The following EDC4 variants were observed in gnomAD, a reference collection of about 807,000 sequenced individuals.
EDC4 encodes enhancer of mRNA-decapping protein 4.
In EDC4, 64 loss-of-function variants were observed where a neutral mutation model predicts 155.8. The ratio of observed to expected loss-of-function variants is 0.41; its 90% CI spans 0.34 to 0.51. EDC4 has a LOEUF of 0.51. Ranked by LOEUF, EDC4 falls within the 20% of genes least tolerant of loss-of-function variation. EDC4 has a pLI of 0.19. For missense variants in EDC4, 1,303 were observed against 1,812.5 expected, an observed-to-expected ratio of 0.72 and a Z score of 5.10; for synonymous variants, 684 against 716.8, an observed-to-expected ratio of 0.95 and a Z score of 0.73.
Position 67,884,041 on chromosome 16 carries a change from C to CA in EDC4, c.4103dup (p.Leu1369AlafsTer8). On this transcript the variant is annotated frameshift_variant, in exon 29 of 29. Coordinates refer to ENST00000358933, the MANE Select transcript of EDC4 (RefSeq NM_014329.5). LOFTEE classifies it high-confidence loss of function. The surrounding 1 kb of genome is among the most constrained non-coding windows in gnomAD (Gnocchi z 4.1). ...GGGCTCCGTTATGGCCCAGGTGCGC[C>CA]AAAAGCTTTTTCAGTTCCTGCAGGC... 1 of 1,614,156 alleles carries CA rather than the reference C, an allele frequency of 6.2e-7. No individual in the cohort carries two copies.
chr16:67,876,375 T>A lies in EDC4; in HGVS notation c.240-113T>A. On this transcript the variant is annotated intron_variant, in intron 2 of 28. Coordinates refer to ENST00000358933, the MANE Select transcript of EDC4 (RefSeq NM_014329.5). The surrounding 1 kb of genome is among the most constrained non-coding windows in gnomAD (Gnocchi z 5.8). Reference sequence around the variant, plus strand: ...CTGGGGCCAGTGGACCAGGCGAAGCTGACATTGGACTAGATACCTTCCCCA... The same window carrying A: ...CTGGGGCCAGTGGACCAGGCGAAGCAGACATTGGACTAGATACCTTCCCCA... 5.4e-6 allele frequency: 8 copies of A among 1,477,944 alleles called. No homozygotes were observed. The highest frequency in any genetic ancestry group is 7.2e-6 in the Non-Finnish European group (8 of 1,107,822). The allele number at this position is 1,477,944 out of a possible 1,614,324, so 91.6% of individuals were successfully genotyped here. A position where few individuals can be genotyped will look rare whatever the true frequency, so the allele number is the denominator to read the frequency against.
At position 67,883,948 on chromosome 16, in the gene EDC4, A is replaced by C; in HGVS notation, c.4014-8A>C. On this transcript the variant is annotated splice_polypyrimidine_tract_variant and splice_region_variant and intron_variant, in intron 28 of 28. Transcript: ENST00000358933. This position sits in a 1 kb window ranked among gnomAD's most constrained non-coding sequence, Gnocchi z 5.3. ...ACCTGTAGCCTGTCCTTTCCCCCCC[A>C]TCCCCAGCTACCTGGAAGAGGCCGT... The C allele has an allele frequency of 6.3e-7, 1 of 1,585,782 alleles. No individual in the cohort carries two copies.
chr16:67,880,856 T>C lies in EDC4; in HGVS notation c.2397T>C (p.Pro799=). 6.2e-7 allele frequency: 1 copy of C among 1,613,832 alleles called. No individual in the cohort carries two copies. The highest frequency in any genetic ancestry group is 8.5e-7 in the Non-Finnish European group (1 of 1,179,968). ...LGPQLGLDGG[P]GDGDRHNTPS... is the part of the protein sequence containing the mutation. ...CCCAGCTCGGGCTTGATGGAGGCCC[T>C]GGGGATGGAGATCGGCATAATACCC... The change falls in exon 18 of 29, where the codon CCT becomes CCC. Residue 799 remains proline (P), a synonymous_variant. Transcript: ENST00000358933. This position sits in a 1 kb window ranked among gnomAD's most constrained non-coding sequence, Gnocchi z 5.2.
Position 67,878,757 on chromosome 16 carries a change from G to C in EDC4, c.1205G>C (p.Ser402Thr). 6.2e-7 allele frequency: 1 copy of C among 1,614,162 alleles called. No individual in the cohort carries two copies. Among genetic ancestry groups the C allele is most frequent in the Non-Finnish European group, 8.5e-7 (1 of 1,180,036 alleles). Residue 402 changes from serine to threonine, a missense_variant, in exon 11 of 29, where the codon AGC becomes ACC. Physicochemically the swap from Ser to Thr is moderately conservative, Grantham distance 58 (BLOSUM62 1). Transcript: ENST00000358933. The surrounding 1 kb of genome is among the most constrained non-coding windows in gnomAD (Gnocchi z 5.2). The stretch of plus-strand genomic sequence containing the variant: ...TCTAGCTTCTCCCCAGATATCTTCA[G>C]CTCAGTGAGTGTGCCCCCTAGCCTC... ...QTIRFSPDIFSSVSVPPSLKV... is the reference protein window; with the variant it reads ...QTIRFSPDIFTSVSVPPSLKV...
Position 67,882,831 on chromosome 16 carries a change from G to A in EDC4, c.3595G>A (p.Glu1199Lys). 1 of 1,614,152 alleles carries A rather than the reference G, an allele frequency of 6.2e-7. No homozygotes were observed. The highest frequency in any genetic ancestry group is 8.5e-7 in the Non-Finnish European group (1 of 1,180,036). Residue 1199 changes from glutamate to lysine, a missense_variant, in exon 26 of 29, where the codon GAG (glutamate) becomes AAG (lysine). Glu to Lys is a moderately conservative substitution (Grantham distance 56). Coordinates refer to ENST00000358933, the MANE Select transcript of EDC4 (RefSeq NM_014329.5). The surrounding 1 kb of genome is among the most constrained non-coding windows in gnomAD (Gnocchi z 7.2). Reference sequence around the variant, plus strand: ...CACCGTGGCCGGCAGTGTTCGTGCTGAGGTGCAGCACCAGCTGCATGTGGC... The same window carrying A: ...CACCGTGGCCGGCAGTGTTCGTGCTAAGGTGCAGCACCAGCTGCATGTGGC... ...AATVAGSVRAEVQHQLHVAVG... is the reference protein window; with the variant it reads ...AATVAGSVRAKVQHQLHVAVG...
At position 67,878,836 on chromosome 16, in the gene EDC4, G is replaced by C; in HGVS notation, c.1284G>C (p.Arg428=). ...AEYLILSDVQ[R]KVLYVMELLQ... ...ACCTGATTCTCAGCGATGTGCAACG[G>C]AAGGTAGGCTGCCATGGGGTACCCT... Residue 428 remains arginine (R), a synonymous_variant, in exon 11 of 29, where the codon CGG becomes CGC. Transcript: ENST00000358933. This position sits in a 1 kb window ranked among gnomAD's most constrained non-coding sequence, Gnocchi z 5.2. 1.2e-6 allele frequency: 2 copies of C among 1,613,586 alleles called. No individual in the cohort carries two copies. The highest frequency in any genetic ancestry group is 1.7e-6 in the Non-Finnish European group (2 of 1,180,040).
Position 67,877,513 on chromosome 16 carries a change from G to A in EDC4, c.646G>A (p.Glu216Lys). 1 of 1,614,182 alleles carries A rather than the reference G, an allele frequency of 6.2e-7. No homozygotes were observed. The highest frequency in any genetic ancestry group is 1.1e-5 in the South Asian group (1 of 91,086). Residue 216 changes from glutamate to lysine, a missense_variant, in exon 6 of 29, where the codon GAG becomes AAG. This residue lies in a region of EDC4 where 235 missense variants were observed against 367.7 expected (regional missense o/e 0.64). Transcript: ENST00000358933. This position sits in a 1 kb window ranked among gnomAD's most constrained non-coding sequence, Gnocchi z 4.9. Reference sequence around the variant, plus strand: ...AGCCCTTAACACCCTGCTCAGAGAAGAGATCTTGGTCCATATTCGGCAGCC... The same window carrying A: ...AGCCCTTAACACCCTGCTCAGAGAAAAGATCTTGGTCCATATTCGGCAGCC... ...LALVNGKIQE[E>K]ILVHIRQPEG...
chr16:67,878,819 C>T lies in EDC4; in HGVS notation c.1267C>T (p.Leu423Phe). Residue 423 changes from leucine to phenylalanine, a missense_variant, in exon 11 of 29, where the codon CTC becomes TTC. By Grantham distance (22) the Leu-to-Phe change is conservative. Transcript: ENST00000358933. This position sits in a 1 kb window ranked among gnomAD's most constrained non-coding sequence, Gnocchi z 5.2. ...GGACCTCTCAGCAGAATACCTGATTCTCAGCGATGTGCAACGGAAGGTAGG... is the reference window on the plus strand; with the variant it reads ...GGACCTCTCAGCAGAATACCTGATTTTCAGCGATGTGCAACGGAAGGTAGG... ...CLDLSAEYLI[L>F]SDVQRKVLYV... 6.2e-7 allele frequency: 1 copy of T among 1,613,992 alleles called. No individual in the cohort carries two copies. The highest frequency in any genetic ancestry group is 8.5e-7 in the Non-Finnish European group (1 of 1,180,048).
rs2058040313 is a variant in EDC4 at position 67,876,126 on chromosome 16, G to T, written c.239+25G>T. 6 of 1,608,868 alleles carry T rather than the reference G, an allele frequency of 3.7e-6. No homozygotes were observed. The African/African-American group carries it at 5.3e-5, about 14-fold the overall frequency. On this transcript the variant is annotated intron_variant, in intron 2 of 28. Coordinates refer to ENST00000358933, the MANE Select transcript of EDC4 (RefSeq NM_014329.5). This position sits in a 1 kb window ranked among gnomAD's most constrained non-coding sequence, Gnocchi z 5.8. ...TGTGAGTACCTAGGAGACGACAATA[G>T]TGGTGATGGTGTATTTGGGGTGTCT...
chr16:67,875,573 C>T, intron 1 of EDC4: 1 of 231,630 alleles, frequency 4.3e-6, no homozygotes, highest in South Asian at 1.6e-4. Context: ...TGTTTTCACT[C>T]CATCCTTCCT....
chr16:67,876,310 T>A lies in EDC4; in HGVS notation c.240-178T>A, dbSNP rs926281138. On this transcript the variant is annotated intron_variant, in intron 2 of 28. Transcript: ENST00000358933. This position sits in a 1 kb window ranked among gnomAD's most constrained non-coding sequence, Gnocchi z 5.8. ...TACCTGGTTTAGAATGAAAGTAGGC[T>A]CATTCCCAAGGAAGGAGATGAGCAA... 1.3e-6 allele frequency: 1 copy of A among 741,286 alleles called. No homozygotes were observed. The highest frequency in any genetic ancestry group is 1.9e-5 in the African/African-American group (1 of 52,422). The allele number at this position is 741,286 out of a possible 1,614,324, so 45.9% of individuals were successfully genotyped here. A position where few individuals can be genotyped will look rare whatever the true frequency, so the allele number is the denominator to read the frequency against.
chr16:67,876,855 C>T lies in EDC4; in HGVS notation c.352-18C>T. 1 of 1,612,766 alleles carries T rather than the reference C, an allele frequency of 6.2e-7. No individual in the cohort carries two copies. The highest frequency in any genetic ancestry group is 8.5e-7 in the Non-Finnish European group (1 of 1,179,186). On this transcript the variant is annotated intron_variant, in intron 3 of 28. Coordinates refer to ENST00000358933, the MANE Select transcript of EDC4 (RefSeq NM_014329.5). The surrounding 1 kb of genome is among the most constrained non-coding windows in gnomAD (Gnocchi z 5.8). ...GCTCTGGGGAAGTTCCATGACTTTTCTCACCCTGGGTTCTCAGGTGAAAAT... is the reference window on the plus strand; with the variant it reads ...GCTCTGGGGAAGTTCCATGACTTTTTTCACCCTGGGTTCTCAGGTGAAAAT...
chr16:67,878,669 G>A lies in EDC4; in HGVS notation c.1184+38G>A. ...TGGAAGGCTGGGGGACTGGGCAGGGGCGGCAGGGTTGGGAATGTAGCTTCC... is the reference window on the plus strand; with the variant it reads ...TGGAAGGCTGGGGGACTGGGCAGGGACGGCAGGGTTGGGAATGTAGCTTCC... On this transcript the variant is annotated intron_variant, in intron 10 of 28. Coordinates refer to ENST00000358933, the MANE Select transcript of EDC4 (RefSeq NM_014329.5). This position sits in a 1 kb window ranked among gnomAD's most constrained non-coding sequence, Gnocchi z 5.2. The A allele has an allele frequency of 6.2e-7, 1 of 1,614,168 alleles. No homozygotes were observed. Among genetic ancestry groups the A allele is most frequent in the Non-Finnish European group, 8.5e-7 (1 of 1,180,030 alleles).
At position 67,878,117 on chromosome 16, in the gene EDC4, G is replaced by A; in HGVS notation, c.895-49G>A. ...AGCTCATTGCCATCCTCACTTGGGA[G>A]GGGCTTGTTCTCACCTCTAGTCAGC... On this transcript the variant is annotated intron_variant, in intron 7 of 28. Transcript: ENST00000358933. The surrounding 1 kb of genome is among the most constrained non-coding windows in gnomAD (Gnocchi z 5.2). 1.2e-6 allele frequency: 2 copies of A among 1,610,626 alleles called. No individual in the cohort carries two copies. Among genetic ancestry groups the A allele is most frequent in the Non-Finnish European group, 8.5e-7 (1 of 1,177,990 alleles).
chr16:67,878,831 C>T lies in EDC4; in HGVS notation c.1279C>T (p.Gln427Ter), dbSNP rs1433542082. 1 of 1,613,656 alleles carries T rather than the reference C, an allele frequency of 6.2e-7. No individual in the cohort carries two copies. Among genetic ancestry groups the T allele is most frequent in the Non-Finnish European group, 8.5e-7 (1 of 1,180,024 alleles). The change falls in exon 11 of 29, where the codon CAA (glutamine) becomes TAA (stop). Residue 427 changes from glutamine to a stop codon, truncating the protein, a stop_gained. Transcript: ENST00000358933. LOFTEE classifies it high-confidence loss of function. This position sits in a 1 kb window ranked among gnomAD's most constrained non-coding sequence, Gnocchi z 5.2. Reference sequence around the variant, plus strand: ...AGAATACCTGATTCTCAGCGATGTGCAACGGAAGGTAGGCTGCCATGGGGT... The same window carrying T: ...AGAATACCTGATTCTCAGCGATGTGTAACGGAAGGTAGGCTGCCATGGGGT... ...SAEYLILSDV[Q>*]RKVLYVMELL...
Position 67,884,049 on chromosome 16 carries a change from T to A in EDC4, c.4107T>A (p.Leu1369=). The A allele has an allele frequency of 6.2e-7, 1 of 1,614,102 alleles. No homozygotes were observed. The change falls in exon 29 of 29, where the codon CTT becomes CTA. Residue 1369 remains leucine, a synonymous_variant. Coordinates refer to ENST00000358933, the MANE Select transcript of EDC4 (RefSeq NM_014329.5). The surrounding 1 kb of genome is among the most constrained non-coding windows in gnomAD (Gnocchi z 4.1). ...GSVMAQVRQK[L]FQFLQAEPHN... ...TTATGGCCCAGGTGCGCCAAAAGCTTTTTCAGTTCCTGCAGGCTGAGCCAC... is the reference window on the plus strand; with the variant it reads ...TTATGGCCCAGGTGCGCCAAAAGCTATTTCAGTTCCTGCAGGCTGAGCCAC...
intron 1 of EDC4, among the ~76,000 whole-genome samples, chr16:67,873,663 C>T (rs1049525029): frequency 1.3e-5 from 2 of 152,306 alleles, no homozygotes; most frequent in Admixed American, 1.3e-4. Flanking sequence ...GCTCCTCTTC[C>T]CTTTCTCCAT....
At chr16:67,874,833 G>A (rs1288305575) in intron 1 of EDC4, among the ~76,000 whole-genome samples, 4 of 152,174 alleles carry the variant, frequency 2.6e-5, no homozygotes, top group Non-Finnish European at 4.4e-5. Flanking sequence ...TGTAATCCCA[G>A]CACTTTGGGA....
Position 67,880,401 on chromosome 16 carries a change from ACCT to A in EDC4, c.2098-151_2098-149del. 7.5e-7 allele frequency: 1 copy of A among 1,337,252 alleles called. No homozygotes were observed. The highest frequency in any genetic ancestry group is 1.0e-6 in the Non-Finnish European group (1 of 981,524). 82.8% of individuals were successfully genotyped at this position (1,337,252 alleles called of 1,614,324 possible). ...GTGTCTCCTCAGCCTCCCTGTCCCC[ACCT>A]CCTCTTCTTGGCTGTGGCCTCGTTT... On this transcript the variant is annotated intron_variant, in intron 17 of 28. Coordinates refer to ENST00000358933, the MANE Select transcript of EDC4 (RefSeq NM_014329.5). The surrounding 1 kb of genome is among the most constrained non-coding windows in gnomAD (Gnocchi z 5.2).
Sources: allele counts gnomAD v4.1 joint callset (sites outside exome capture counted in the v4.1 genomes callset), GRCh38; gene constraint gnomAD v4.1.1; regional missense constraint gnomAD v4.1.1; non-coding constraint Gnocchi (gnomAD v3.1); transcripts MANE v1.5; gene names NCBI Gene and HGNC (gene_info 2026-07-23, HGNC 2026-07-21).